ITPR1: variants seen among roughly 807,000 people sequenced by gnomAD.
ITPR1 encodes inositol 1,4,5-trisphosphate receptor type 1.
ITPR1 carries 96 observed loss-of-function variants against 318.4 expected under a neutral mutation model. The observed-to-expected ratio is 0.30, with a 90% CI of 0.26 to 0.36. The LOEUF (loss-of-function observed/expected upper bound fraction) is 0.36. ITPR1 is among the 10% of genes least tolerant of loss of function. The probability of loss-of-function intolerance (pLI) is 1.00; values close to 1 mark genes in which losing one functional copy is unlikely to be tolerated. For synonymous variants in ITPR1, 1,312 were observed against 1,289.9 expected, an observed-to-expected ratio of 1.02 and a Z score of -0.37; for missense variants, 2,440 against 3,460.2, an observed-to-expected ratio of 0.71 and a Z score of 7.40.
intron 60 of ITPR1, among the ~76,000 whole-genome samples, chr3:4,818,753 A>C (rs2049475380): frequency 6.6e-6 from 1 of 152,086 alleles, no homozygotes; most frequent in Admixed American, 6.6e-5. Flanking sequence ...GAGGAATTTG[A>C]GTTCCAAATT....
chr3:4,627,448 AG>A (rs2092868582), intron 4 of ITPR1, among the ~76,000 whole-genome samples: 1 of 152,136 alleles, frequency 6.6e-6, no homozygotes, highest in Admixed American at 6.5e-5. Flanking sequence ...TGGGTGACAG[AG>A]GGAGACTCAG....
chr3:4,843,679 G>A (rs918112192), intron 61 of ITPR1, among the ~76,000 whole-genome samples: 1 of 152,184 alleles, frequency 6.6e-6, no homozygotes, highest in African/African-American at 2.4e-5. Context: ...ATGACTACCT[G>A]AGCAAAGAAT....
chr3:4,634,379 T>C (rs1003361130), intron 5 of ITPR1, among the ~76,000 whole-genome samples: 2 of 151,984 alleles, frequency 1.3e-5, no homozygotes, highest in Non-Finnish European at 2.9e-5. Context: ...GCCTGGCTAA[T>C]TTTTGTATTT....
rs899116129 is a variant in ITPR1, at chr3:4,847,341, A to C, written c.*1116A>C. ...ATGAAAAATATGAAAGGAAACTTTT[A>C]TATCTGTTGCCTAGTTTTGTACATG... On this transcript the variant is annotated 3_prime_UTR_variant, in exon 62 of 62. Transcript: ENST00000649015. The C allele has an allele frequency of 1.0e-4, 15 of 150,324 alleles. No homozygotes were observed. Among genetic ancestry groups the C allele is most frequent in the African/African-American group, 3.7e-4 (15 of 40,796 alleles). 9.3% of individuals were successfully genotyped at this position (150,324 alleles called of 1,614,324 possible). A position where few individuals can be genotyped will look rare whatever the true frequency, so the allele number is the denominator to read the frequency against.
At chr3:4,673,029 G>T (rs1030303302) in intron 20 of ITPR1, 107 bp from the exon 21 acceptor site, 17 of 1,254,110 alleles carry the variant, frequency 1.4e-5, no homozygotes, top group Non-Finnish European at 1.9e-5. Context: ...TATGAGTTTA[G>T]TTGGCCAAAT....
rs192961109 is a variant in ITPR1 at position 4,846,484 on chromosome 3, C to A, written c.*259C>A. On this transcript the variant is annotated 3_prime_UTR_variant, in exon 62 of 62. Coordinates refer to ENST00000649015, the MANE Select transcript of ITPR1 (RefSeq NM_001378452.1). ...TTTTGGAAGGACTAACAGAAAGCACCTGATTTGCACTTGAACCAGATTATA... is the reference window on the plus strand; with the variant it reads ...TTTTGGAAGGACTAACAGAAAGCACATGATTTGCACTTGAACCAGATTATA... 41 of 299,790 alleles carry A rather than the reference C, an allele frequency of 1.4e-4. No individual in the cohort carries two copies. Among genetic ancestry groups the A allele is most frequent in the African/African-American group, 7.3e-4 (34 of 46,318 alleles). The allele number at this position is 299,790 out of a possible 1,614,324, so 18.6% of individuals were successfully genotyped here. A position where few individuals can be genotyped will look rare whatever the true frequency, so the allele number is the denominator to read the frequency against.
At chr3:4,507,887 T>C (rs1474833752) in intron 2 of ITPR1, among the ~76,000 whole-genome samples, 1 of 152,242 alleles carries the variant, frequency 6.6e-6, no homozygotes, top group East Asian at 1.9e-4. Flanking sequence ...AGATGAGCTA[T>C]ATTCTGTGCT....
chr3:4,627,701 T>TC, intron 4 of ITPR1, 62 bp from the exon 5 acceptor site: 1 of 951,700 alleles, frequency 1.1e-6, no homozygotes, highest in Non-Finnish European at 1.7e-6. Flanking sequence ...CTTTTTTTTT[T>TC]CCTTAGGCTG....
intron 4 of ITPR1, among the ~76,000 whole-genome samples, 186 bp from the exon 5 acceptor site, chr3:4,627,577 G>T (rs554079509): frequency 3.3e-4 from 51 of 152,286 alleles, no homozygotes; most frequent in Non-Finnish European, 6.6e-4. Flanking sequence ...TTAAGCCTTG[G>T]TTTCCTCGGC....
chr3:4,630,203 C>G (rs988266693), intron 5 of ITPR1, among the ~76,000 whole-genome samples: 2 of 152,122 alleles, frequency 1.3e-5, no homozygotes, highest in Non-Finnish European at 2.9e-5. Context: ...TTGCACCTCT[C>G]TGTATAAACC....
intron 61 of ITPR1, among the ~76,000 whole-genome samples, chr3:4,843,384 G>A (rs779137735): frequency 6.6e-6 from 1 of 152,250 alleles, no homozygotes; most frequent in South Asian, 2.1e-4. Context: ...TACTCAAAAT[G>A]ATCTTGTCCG....
intron 40 of ITPR1, among the ~76,000 whole-genome samples, chr3:4,722,409 G>A (rs1559771929): frequency 6.6e-6 from 1 of 152,164 alleles, no homozygotes; most frequent in Non-Finnish European, 1.5e-5. Flanking sequence ...GAATTTCAGA[G>A]AGCCCGTGCC....
At chr3:4,668,464 T>C (rs1403735741) in intron 18 of ITPR1, among the ~76,000 whole-genome samples, 1 of 151,982 alleles carries the variant, frequency 6.6e-6, no homozygotes, top group African/African-American at 2.4e-5. Flanking sequence ...ACTCTTTTCA[T>C]TCCCTTTTTC....
At chr3:4,616,730 G>C (rs2092404237) in intron 4 of ITPR1, among the ~76,000 whole-genome samples, 1 of 152,150 alleles carries the variant, frequency 6.6e-6, no homozygotes, top group Non-Finnish European at 1.5e-5. Context: ...GTGTTGCCTG[G>C]GGTGTGGGGT....
rs756162155 is a variant in ITPR1 at position 4,806,278 on chromosome 3, G to A, written c.7272+11G>A. On this transcript the variant is annotated intron_variant, in intron 55 of 61. Coordinates refer to ENST00000649015, the MANE Select transcript of ITPR1 (RefSeq NM_001378452.1). ...TTCTACAGTCTGCTGGTGAGTACCT[G>A]GTGTGGAAATATTTTATGTGTGGGG... 1.2e-6 allele frequency: 2 copies of A among 1,612,644 alleles called. No homozygotes were observed. The highest frequency in any genetic ancestry group is 1.7e-5 in the Admixed American group (1 of 60,016).
intron 2 of ITPR1, among the ~76,000 whole-genome samples, chr3:4,502,773 C>T (rs2081117724): frequency 6.6e-6 from 1 of 151,968 alleles, no homozygotes; most frequent in Admixed American, 6.6e-5. Context: ...ATTTCTTGAA[C>T]TGGCATCTTT....
At chr3:4,700,758 G>A (rs1020804749) in intron 35 of ITPR1, among the ~76,000 whole-genome samples, 1 of 152,118 alleles carries the variant, frequency 6.6e-6, no homozygotes, top group Non-Finnish European at 1.5e-5. Flanking sequence ...CCCGATACTG[G>A]GCAATTTACA....
At chr3:4,698,476 T>A (rs1306157131) in intron 34 of ITPR1, among the ~76,000 whole-genome samples, 1 of 152,184 alleles carries the variant, frequency 6.6e-6, no homozygotes, top group African/African-American at 2.4e-5. Flanking sequence ...TTTAAATCAG[T>A]GCTCTGTGAA....
chr3:4,814,381 C>G (rs1412940478), intron 57 of ITPR1, 42 bp from the exon 58 acceptor site: 2 of 1,609,900 alleles, frequency 1.2e-6, no homozygotes, highest in African/African-American at 2.7e-5. Flanking sequence ...TCTCTCTTTT[C>G]TCCTCACGTT....
Sources: gnomAD v4.1 joint callset for allele counts (sites outside exome capture counted in the v4.1 genomes callset) on GRCh38, gnomAD v4.1.1 for gene constraint, MANE v1.5 for transcripts, NCBI Gene and HGNC (gene_info 2026-07-23, HGNC 2026-07-21) for gene names.